DMXL2: variants seen among roughly 807,000 people sequenced by gnomAD.
DMXL2 encodes the protein dmX-like protein 2.
DMXL2 carries 103 observed loss-of-function variants against 331.1 expected under a neutral mutation model. That is an observed-to-expected ratio of 0.31 (90% CI 0.27 to 0.37). The LOEUF is 0.37. DMXL2 is among the 10% of genes least tolerant of loss of function. The pLI, the probability that DMXL2 is intolerant of heterozygous loss-of-function variation, is 1.00. For missense variants in DMXL2, 3,171 were observed against 3,642.9 expected, an observed-to-expected ratio of 0.87 and a Z score of 3.33; for synonymous variants, 1,281 against 1,252.1, an observed-to-expected ratio of 1.02 and a Z score of -0.49.
At chr15:51,506,808 A>T (rs1596048007) in intron 16 of DMXL2, among the ~76,000 whole-genome samples, 1 of 152,310 alleles carries the variant, frequency 6.6e-6, no homozygotes, top group South Asian at 2.1e-4. Flanking sequence ...ATTGGATGGG[A>T]ATGTGTATTA....
intron 28 of DMXL2, among the ~76,000 whole-genome samples, chr15:51,472,756 G>A (rs763309278): frequency 8.5e-5 from 13 of 152,128 alleles, no homozygotes; most frequent in Non-Finnish European, 1.8e-4. Flanking sequence ...ACACTTTGTT[G>A]ATCCTTTCAT....
intron 33 of DMXL2, among the ~76,000 whole-genome samples, chr15:51,462,072 C>T (rs2040177235): frequency 2.0e-5 from 3 of 152,176 alleles, no homozygotes; most frequent in South Asian, 4.1e-4. Context: ...CATTCTTCTA[C>T]TTCCTCATTT....
chr15:51,514,428 T>C lies in DMXL2; in HGVS notation c.2644+14A>G, dbSNP rs769020863. 9.0e-6 allele frequency: 13 copies of C among 1,438,838 alleles called. No homozygotes were observed. The highest frequency in any genetic ancestry group is 1.2e-5 in the Non-Finnish European group (13 of 1,043,754). 89.1% of individuals were successfully genotyped at this position (1,438,838 alleles called of 1,614,324 possible). ...CATGAAGGTAAACAAATGCAGACTA[T>C]TTTTTTAAAGTACCTTGTGATGGCT... On this transcript the variant is annotated intron_variant, in intron 15 of 43. Transcript: ENST00000560891.
chr15:51,557,065 A>T (rs79698316), intron 6 of DMXL2, among the ~76,000 whole-genome samples: 6,358 of 152,086 alleles, frequency 0.042, 352 homozygotes, highest in African/African-American at 0.13. Flanking sequence ...AAAAAGGAAA[A>T]ATATGAAAAA....
At chr15:51,455,334 T>C (rs1555410580) in intron 39 of DMXL2, 106 bp from the exon 40 acceptor site, 1 of 912,204 alleles carries the variant, frequency 1.1e-6, no homozygotes, top group Non-Finnish European at 1.8e-6. Flanking sequence ...ACATTCTGCC[T>C]CTAACTATGT....
intron 36 of DMXL2, 115 bp from the exon 37 acceptor site, chr15:51,457,581 C>T: frequency 7.8e-7 from 1 of 1,282,218 alleles, no homozygotes; most frequent in Non-Finnish European, 1.1e-6. Context: ...AACTAAGTAG[C>T]CATGAGAAAA....
intron 2 of DMXL2, 29 bp from the exon 3 acceptor site, chr15:51,568,587 T>C: frequency 1.4e-6 from 2 of 1,410,254 alleles, no homozygotes. Flanking sequence ...AGCATTAATA[T>C]CTAGAAAAGG....
rs2140369671 is a variant in DMXL2 at position 51,481,461 on chromosome 15, C to G, written c.5645G>C (p.Arg1882Thr). 6.2e-7 allele frequency: 1 copy of G among 1,613,022 alleles called. No homozygotes were observed. Among genetic ancestry groups the G allele is most frequent in the East Asian group, 2.2e-5 (1 of 44,868 alleles). Residue 1882 changes from arginine to threonine, a missense_variant, in exon 24 of 44, where the codon AGA (arginine) becomes ACA (threonine). Arg to Thr is a moderately conservative substitution (Grantham distance 71, BLOSUM62 -1). Coordinates refer to ENST00000560891, the MANE Select transcript of DMXL2 (RefSeq NM_001378457.1). ...ATTTGCAGTGGTAAAGAATAATTTT[C>G]TTTCTATGAGGTTAATTTTATCAAC... ...NFVDKINLIE[R>T]KLFFTTANAH...
At chr15:51,616,935 TA>T (rs34051640) in intron 1 of DMXL2, among the ~76,000 whole-genome samples, 35,503 of 80,676 alleles carry the variant, frequency 0.44, 5,983 homozygotes, top group Non-Finnish European at 0.47. Context: ...AGACTCCATC[TA>T]AAAAAAAAAA....
chr15:51,460,310 C>T lies in DMXL2; in HGVS notation c.7927-650G>A, dbSNP rs548929451. ...CATACCTTTTCAGGTGACTGCCTTCCTTTCATCACGAAGGGCCATTCAAAT... is the reference window on the plus strand; with the variant it reads ...CATACCTTTTCAGGTGACTGCCTTCTTTTCATCACGAAGGGCCATTCAAAT... On this transcript the variant is annotated intron_variant, in intron 33 of 43. Coordinates refer to ENST00000560891, the MANE Select transcript of DMXL2 (RefSeq NM_001378457.1). 3 of 985,418 alleles carry T rather than the reference C, an allele frequency of 3.0e-6. No individual in the cohort carries two copies. The South Asian group carries it at 1.4e-4, about 46-fold the overall frequency. 61.0% of individuals were successfully genotyped at this position (985,418 alleles called of 1,614,324 possible).
intron 18 of DMXL2, 34 bp downstream of exon 18, chr15:51,498,518 T>C (rs1419879400): frequency 2.9e-5 from 45 of 1,576,800 alleles, no homozygotes; most frequent in Non-Finnish European, 3.9e-5. Context: ...TTCTATTAGG[T>C]ACAACTTTAT....
intron 6 of DMXL2, among the ~76,000 whole-genome samples, chr15:51,561,289 T>C (rs1004508132): frequency 1.3e-5 from 2 of 152,192 alleles, no homozygotes; most frequent in Non-Finnish European, 2.9e-5. Context: ...GTAGCGTTAG[T>C]TGGATAGTGT....
rs572638108 is a variant in DMXL2 at position 51,564,960 on chromosome 15, T to C, written c.364+128A>G. On this transcript the variant is annotated intron_variant, in intron 4 of 43. Coordinates refer to ENST00000560891, the MANE Select transcript of DMXL2 (RefSeq NM_001378457.1). ...ACTGTATACCAAGAAGGAAAAATTA[T>C]ATTCATCAACAAAAAGAAAATATAA... The C allele has an allele frequency of 1.3e-4, 72 of 558,926 alleles. No individual in the cohort carries two copies. The Admixed American group carries it at 2.6e-3, about 20-fold the overall frequency. 34.6% of individuals were successfully genotyped at this position (558,926 alleles called of 1,614,324 possible).
At chr15:51,599,625 A>G (rs1459996347) in intron 1 of DMXL2, among the ~76,000 whole-genome samples, 4 of 152,234 alleles carry the variant, frequency 2.6e-5, no homozygotes. Flanking sequence ...TCATATGTGT[A>G]TAGACACATA....
intron 28 of DMXL2, among the ~76,000 whole-genome samples, chr15:51,472,195 C>T (rs1326039545): frequency 6.6e-6 from 1 of 152,206 alleles, no homozygotes; most frequent in East Asian, 1.9e-4. Context: ...TCTCCTAAAC[C>T]TCCCCATCAC....
Position 51,530,617 on chromosome 15 carries a change from T to C in DMXL2, c.2436+5046A>G, listed in dbSNP as rs566901943. Among the ~76,000 whole-genome samples the C allele has an allele frequency of 9.5e-5, 14 of 148,126 alleles. No homozygotes were observed. The South Asian group carries it at 2.5e-3, about 27-fold the overall frequency. ...AAAAAAAAAAAAAATTAGCCGGGCATGGTGGCACATGCCTGTAGTCCCAGC... is the reference window on the plus strand; with the variant it reads ...AAAAAAAAAAAAAATTAGCCGGGCACGGTGGCACATGCCTGTAGTCCCAGC... On this transcript the variant is annotated intron_variant, in intron 13 of 43. Transcript: ENST00000560891.
intron 42 of DMXL2, 92 bp downstream of exon 42, chr15:51,451,553 A>C: frequency 1.0e-6 from 1 of 988,756 alleles, no homozygotes; most frequent in Non-Finnish European, 1.5e-6. Context: ...ATAAACACTC[A>C]CTGGATTCAC....
At position 51,498,680 on chromosome 15, in the gene DMXL2, G is replaced by C; in HGVS notation, c.4544C>G (p.Ser1515Ter). The change falls in exon 18 of 44, where the codon TCA (serine) becomes TGA (stop). Residue 1515 changes from serine (S) to a stop codon, truncating the protein, a stop_gained. Transcript: ENST00000560891. LOFTEE classifies it high-confidence loss of function. ...TAGACTTGAGTGCATAAGATGACTT[G>C]AAAGTACCCTTGCATGTTCTTGGCC... The part of the protein sequence containing the change: ...YFGQEHARVL[S>*]SHLMHSSLPG... 6.2e-7 allele frequency: 1 copy of C among 1,614,140 alleles called. No individual in the cohort carries two copies. The highest frequency in any genetic ancestry group is 8.5e-7 in the Non-Finnish European group (1 of 1,180,016).
intron 41 of DMXL2, 52 bp from the exon 42 acceptor site, chr15:51,451,749 C>T (rs779466000): frequency 3.4e-5 from 51 of 1,483,038 alleles, no homozygotes; most frequent in African/African-American, 9.8e-5. Context: ...TGTTATAAGT[C>T]GTCATCAGGG....
Sources: gnomAD v4.1 joint callset for allele counts (sites outside exome capture counted in the v4.1 genomes callset) on GRCh38, gnomAD v4.1.1 for gene constraint, MANE v1.5 for transcripts, NCBI Gene and HGNC (gene_info 2026-07-23, HGNC 2026-07-21) for gene names.